The following WDR27 variants were observed in gnomAD, a reference collection of about 807,000 sequenced individuals.
The protein encoded by WDR27 is WD repeat domain 27, also known as WD repeat-containing protein 27.
A neutral mutation model predicts 114.4 loss-of-function variants in WDR27; 100 were observed. The ratio of observed to expected loss-of-function variants is 0.87; its 90% CI spans 0.74 to 1.03. WDR27 has a LOEUF of 1.03. Among genes scored for constraint, WDR27 ranks in the 50% least tolerant of loss-of-function variants. WDR27 has a pLI of 0.00. For synonymous variants in WDR27, 449 were observed against 423.1 expected (o/e 1.06, Z -0.75); for missense variants, 1,129 against 1,092.9 (o/e 1.03, Z -0.47).
At chr6:169,484,167 C>G (rs1416695608) in intron 25 of WDR27, among the ~76,000 whole-genome samples, 1 of 152,170 alleles carries the variant, frequency 6.6e-6, no homozygotes, top group Non-Finnish European at 1.5e-5. Context: ...ATTGGAAGTC[C>G]TGGCCAGAGC....
chr6:169,471,920 C>A (rs185499281), intron 25 of WDR27, among the ~76,000 whole-genome samples: 2 of 152,342 alleles, frequency 1.3e-5, no homozygotes, highest in Admixed American at 6.5e-5. Context: ...TGCTTCCTCA[C>A]ATGGCGGGAG....
intron 22 of WDR27, among the ~76,000 whole-genome samples, chr6:169,609,420 A>G (rs1008709380): frequency 1.3e-5 from 2 of 152,174 alleles, no homozygotes; most frequent in African/African-American, 4.8e-5. Flanking sequence ...TAGGCAGAGG[A>G]TCCCAAACTT....
chr6:169,599,926 G>A (rs1807606467), intron 23 of WDR27, among the ~76,000 whole-genome samples: 1 of 151,904 alleles, frequency 6.6e-6, no homozygotes, highest in Admixed American at 6.6e-5. Context: ...TCTACACACT[G>A]CTTTGAATGT....
intron 6 of WDR27, 144 bp from the exon 7 acceptor site, chr6:169,665,700 TTTC>T: frequency 1.2e-6 from 1 of 811,184 alleles, no homozygotes; most frequent in South Asian, 2.0e-5. Flanking sequence ...TCCAAAATAA[TTTC>T]TTCACCAAAA....
chr6:169,535,294 ATC>A (rs1796081160), intron 25 of WDR27, among the ~76,000 whole-genome samples: 1 of 141,528 alleles, frequency 7.1e-6, no homozygotes, highest in East Asian at 1.9e-4. Context: ...TCAGATAAAA[ATC>A]TATTCAGATC....
intron 21 of WDR27, among the ~76,000 whole-genome samples, chr6:169,626,132 G>A (rs1814741692): frequency 6.6e-6 from 1 of 152,200 alleles, no homozygotes; most frequent in South Asian, 2.1e-4. Flanking sequence ...ATGGGGTTCT[G>A]AAGGCACAGG....
intron 10 of WDR27, 130 bp downstream of exon 10, chr6:169,660,533 T>C: frequency 5.2e-6 from 4 of 764,106 alleles, no homozygotes; most frequent in Non-Finnish European, 8.9e-6. Flanking sequence ...TGCTCAATGC[T>C]GAGTTGTGAC....
intron 25 of WDR27, among the ~76,000 whole-genome samples, chr6:169,560,214 T>C (rs1424050202): frequency 6.6e-6 from 1 of 152,176 alleles, no homozygotes; most frequent in African/African-American, 2.4e-5. Context: ...CGAGATCTGA[T>C]GGTTTTAGCA....
intron 25 of WDR27, among the ~76,000 whole-genome samples, chr6:169,551,797 A>G (rs1029113609): frequency 5.3e-5 from 8 of 151,848 alleles, no homozygotes; most frequent in Non-Finnish European, 1.0e-4. Context: ...ATTAGCAGCC[A>G]GAGAGTAAAG....
chr6:169,667,359 T>C (rs1274335148), intron 5 of WDR27, 172 bp from the exon 6 acceptor site: 7 of 1,229,206 alleles, frequency 5.7e-6, no homozygotes, highest in Non-Finnish European at 6.1e-6. Flanking sequence ...CCATAAAATA[T>C]GTCAGAATCA....
At chr6:169,652,226 GGTTGTTTTGTTGTT>G (rs1395710219) in intron 13 of WDR27, among the ~76,000 whole-genome samples, 6 of 152,164 alleles carry the variant, frequency 3.9e-5, no homozygotes, top group Admixed American at 1.3e-4. Context: ...AGCCCAAGTT[GGTTGTTTTGTTGTT>G]GTTGTTTTGT....
At position 169,684,448 on chromosome 6, in the gene WDR27, A is replaced by G. The variant is rs2128321802; in HGVS notation, c.189+4369T>C. ...GGCTGACTATGGCAAGCATGCTCCCAGGCCCAACAAACAGCTATGTGCCCA... is the reference window on the plus strand; with the variant it reads ...GGCTGACTATGGCAAGCATGCTCCCGGGCCCAACAAACAGCTATGTGCCCA... On this transcript the variant is annotated intron_variant, in intron 2 of 25. Transcript: ENST00000448612. The surrounding 1 kb of genome is among the most constrained non-coding windows in gnomAD (Gnocchi z 4.3). 6.6e-6 allele frequency among the ~76,000 whole-genome samples: 1 copy of G among 152,298 alleles called. No homozygotes were observed. Among genetic ancestry groups the G allele is most frequent in the East Asian group, 1.9e-4 (1 of 5,166 alleles).
intron 21 of WDR27, among the ~76,000 whole-genome samples, chr6:169,621,053 T>C (rs1224877664): frequency 6.6e-6 from 1 of 152,188 alleles, no homozygotes; most frequent in Non-Finnish European, 1.5e-5. Context: ...CATCTAACTC[T>C]TCATTCACAG....
intron 25 of WDR27, among the ~76,000 whole-genome samples, chr6:169,545,443 C>G (rs1320109245): frequency 1.3e-5 from 2 of 152,178 alleles, no homozygotes; most frequent in Non-Finnish European, 1.5e-5. Context: ...CACCTGTAAT[C>G]CTAGCACTTT....
At position 169,698,607 on chromosome 6, in the gene WDR27, CT is replaced by C. The variant is rs554401616; in HGVS notation, c.-8+2943del. 3.0e-3 allele frequency among the ~76,000 whole-genome samples: 453 copies of C among 152,322 alleles called. 2 individuals carry two copies. Among genetic ancestry groups the C allele is most frequent in the Middle Eastern group, 0.01 (3 of 294 alleles). Reference sequence around the variant, plus strand: ...GGCAGTTTTCCCCAAGCTCTTTCTGCTTCTTCCCTGGAGCCACTAAGAACAT... The same window carrying C: ...GGCAGTTTTCCCCAAGCTCTTTCTGCTCTTCCCTGGAGCCACTAAGAACAT... On this transcript the variant is annotated intron_variant, in intron 1 of 25. Transcript: ENST00000448612.
At chr6:169,476,534 C>T (rs1172468696) in intron 25 of WDR27, among the ~76,000 whole-genome samples, 1 of 152,152 alleles carries the variant, frequency 6.6e-6, no homozygotes. Flanking sequence ...CGTGTTGGCC[C>T]CCTGGACCCA....
In WDR27 at chr6:169,673,542, T is replaced by C. The variant is rs370425137; in HGVS notation, c.190-1146A>G. 5.9e-5 allele frequency among the ~76,000 whole-genome samples: 9 copies of C among 151,686 alleles called. No homozygotes were observed. In the East Asian group the frequency reaches 7.8e-4, roughly 13 times the overall value. On this transcript the variant is annotated intron_variant, in intron 2 of 25. Transcript: ENST00000448612. ...AGAATTATGGTAACAAGATTATATATAGGGCAGAAAAAAACTGAGGGAAGT... is the reference window on the plus strand; with the variant it reads ...AGAATTATGGTAACAAGATTATATACAGGGCAGAAAAAAACTGAGGGAAGT...
intron 22 of WDR27, among the ~76,000 whole-genome samples, chr6:169,612,495 C>T (rs1810796636): frequency 6.6e-6 from 1 of 150,514 alleles, no homozygotes; most frequent in African/African-American, 2.5e-5. Context: ...GCCTGTAAAC[C>T]CAGCTGCTCA....
chr6:169,478,536 A>G (rs1214405840), intron 25 of WDR27, among the ~76,000 whole-genome samples: 1 of 152,102 alleles, frequency 6.6e-6, no homozygotes, highest in Admixed American at 6.5e-5. Context: ...CTAATTTTTA[A>G]AACTCTAGAT....
Sources: gnomAD v4.1 joint callset for allele counts (sites outside exome capture counted in the v4.1 genomes callset) on GRCh38, gnomAD v4.1.1 for gene constraint, Gnocchi (gnomAD v3.1) non-coding constraint, MANE v1.5 for transcripts, NCBI Gene and HGNC (gene_info 2026-07-23, HGNC 2026-07-21) for gene names.